The following CMC1 variants were observed in gnomAD, a reference collection of about 807,000 sequenced individuals.
The protein encoded by CMC1 is C-X9-C motif containing 1, also known as COX assembly mitochondrial protein homolog.
A neutral mutation model predicts 14.1 loss-of-function variants in CMC1; 14 were observed. The observed-to-expected ratio is 0.99, with a 90% CI of 0.66 to 1.55. The LOEUF is 1.55. Ranked by LOEUF, CMC1 falls within the 40% of genes most tolerant of loss-of-function variation. CMC1 has a pLI of 0.00. For synonymous variants in CMC1, 50 were observed against 38.4 expected (o/e 1.30, Z -1.12); for missense variants, 127 against 123.8 (o/e 1.03, Z -0.12).
At chr3:28,314,099 G>C (rs1702771487) in intron 2 of CMC1, among the ~76,000 whole-genome samples, 1 of 152,170 alleles carries the variant, frequency 6.6e-6, no homozygotes, top group African/African-American at 2.4e-5. Flanking sequence ...GAAGCCTTTA[G>C]CTAGCTTTAG....
At chr3:28,298,580 T>G (rs1701869129) in intron 2 of CMC1, among the ~76,000 whole-genome samples, 1 of 151,616 alleles carries the variant, frequency 6.6e-6, no homozygotes, top group Non-Finnish European at 1.5e-5. Flanking sequence ...TCTGCTCTCT[T>G]AAATTTATTT....
In CMC1 at chr3:28,308,932, A is replaced by G. The variant is rs923784236; in HGVS notation, c.110-7401A>G. On this transcript the variant is annotated intron_variant, in intron 2 of 3. Transcript: ENST00000466830. ...TGGGAGGCGGAGGTTGCAGTGAGCC[A>G]AGATCATGCCACTGCACTCCAGCCC... Among the ~76,000 whole-genome samples the G allele has an allele frequency of 7.9e-5, 12 of 151,902 alleles. No homozygotes were observed. The East Asian group carries it at 1.7e-3, about 22-fold the overall frequency.
chr3:28,280,375 A>G (rs925994749), intron 2 of CMC1, among the ~76,000 whole-genome samples: 1 of 152,160 alleles, frequency 6.6e-6, no homozygotes, highest in African/African-American at 2.4e-5. Context: ...GTATATATTA[A>G]TACTCATTTC....
At chr3:28,303,340 C>A (rs1279116080) in intron 2 of CMC1, among the ~76,000 whole-genome samples, 1 of 152,078 alleles carries the variant, frequency 6.6e-6, no homozygotes, top group Non-Finnish European at 1.5e-5. Flanking sequence ...TTAATGTATT[C>A]TTGAATTTTG....
chr3:28,274,377 G>A (rs1259956489), intron 2 of CMC1, among the ~76,000 whole-genome samples: 1 of 151,824 alleles, frequency 6.6e-6, no homozygotes, highest in African/African-American at 2.4e-5. Context: ...AGGAAGCTTA[G>A]TTTGGCCAGA....
chr3:28,296,256 G>A (rs1447736268), intron 2 of CMC1, among the ~76,000 whole-genome samples: 1 of 152,006 alleles, frequency 6.6e-6, no homozygotes. Flanking sequence ...TTGTAACCAT[G>A]TAATATTTTA....
chr3:28,303,134 G>A (rs77742982), intron 2 of CMC1, among the ~76,000 whole-genome samples: 1,852 of 152,218 alleles, frequency 0.012, 37 homozygotes, highest in African/African-American at 0.041. Flanking sequence ...GAGCTAACAC[G>A]CATAAAGTAC....
chr3:28,299,699 A>C (rs1474157447), intron 2 of CMC1, among the ~76,000 whole-genome samples: 2 of 152,166 alleles, frequency 1.3e-5, no homozygotes, highest in Non-Finnish European at 2.9e-5. Flanking sequence ...CCAAGTGATT[A>C]AACCTCTGCT....
intron 2 of CMC1, among the ~76,000 whole-genome samples, chr3:28,310,213 G>A (rs1297583747): frequency 6.6e-6 from 1 of 152,158 alleles, no homozygotes; most frequent in Non-Finnish European, 1.5e-5. Flanking sequence ...CACCCTCCCT[G>A]CCCAGAGCAG....
At chr3:28,274,204 G>GTGTTT (rs1700440272) in intron 2 of CMC1, among the ~76,000 whole-genome samples, 1 of 79,288 alleles carries the variant, frequency 1.3e-5, no homozygotes, top group Non-Finnish European at 2.6e-5. Context: ...TTGTACTAAA[G>GTGTTT]TGTTTTTGTT....
At position 28,258,651 on chromosome 3, in the gene CMC1, G is replaced by A. The variant is rs112320387; in HGVS notation, c.20-4640G>A. Among the ~76,000 whole-genome samples, 703 of 121,834 alleles carry A rather than the reference G, an allele frequency of 5.8e-3. 15 individuals are homozygous for A. Among genetic ancestry groups the A allele is most frequent in the African/African-American group, 0.021 (633 of 30,104 alleles). The allele number at this position is 121,834 out of a possible 152,430, so 79.9% of individuals were successfully genotyped here. The stretch of plus-strand genomic sequence containing the variant: ...TTTTTTTTTTTTGAGATGGAATCTC[G>A]CACTGTCACCCAGGCTGGAGTTCAG... On this transcript the variant is annotated intron_variant, in intron 1 of 3. Transcript: ENST00000466830.
At chr3:28,282,762 A>C (rs2125523358) in intron 2 of CMC1, among the ~76,000 whole-genome samples, 1 of 152,292 alleles carries the variant, frequency 6.6e-6, no homozygotes, top group East Asian at 1.9e-4. Context: ...ATCTGTTTAC[A>C]TTTAACTTTT....
At chr3:28,262,319 T>C (rs557975664) in intron 1 of CMC1, among the ~76,000 whole-genome samples, 6 of 152,128 alleles carry the variant, frequency 3.9e-5, no homozygotes, top group Non-Finnish European at 7.4e-5. Context: ...TTTGCCTCAG[T>C]ATATTTATTA....
At chr3:28,309,021 T>C (rs1702485318) in intron 2 of CMC1, among the ~76,000 whole-genome samples, 1 of 151,862 alleles carries the variant, frequency 6.6e-6, no homozygotes. Context: ...CCTGCAAAAC[T>C]AAAATTGGGT....
intron 1 of CMC1, among the ~76,000 whole-genome samples, chr3:28,259,998 C>T (rs1312459382): frequency 6.6e-6 from 1 of 152,020 alleles, no homozygotes; most frequent in Non-Finnish European, 1.5e-5. Context: ...CTCTTCTGTT[C>T]CACGTATACT....
Position 28,241,769 on chromosome 3 carries a change from G to A in CMC1, c.-25G>A. 8.1e-7 allele frequency: 1 copy of A among 1,241,780 alleles called. No homozygotes were observed. Among genetic ancestry groups the A allele is most frequent in the Non-Finnish European group, 1.0e-6 (1 of 988,142 alleles). The allele number at this position is 1,241,780 out of a possible 1,614,324, so 76.9% of individuals were successfully genotyped here. A position where few individuals can be genotyped will look rare whatever the true frequency, so the allele number is the denominator to read the frequency against. On this transcript the variant is annotated 5_prime_UTR_variant, in exon 1 of 4. Transcript: ENST00000466830. ...CTGCGTGCCCCGGAGCCGCCAAGCG[G>A]CTACGTTCTTCTCGGCCCGCCGAGA...
intron 2 of CMC1, chr3:28,292,066 C>CA (rs1243636707): frequency 6.6e-6 from 1 of 152,046 alleles, no homozygotes; most frequent in South Asian, 2.1e-4. Flanking sequence ...CTCTCAAAAA[C>CA]AAAGAGTGTT....
chr3:28,282,430 A>G (rs964774264), intron 2 of CMC1, among the ~76,000 whole-genome samples: 3 of 152,224 alleles, frequency 2.0e-5, no homozygotes, highest in Non-Finnish European at 4.4e-5. Flanking sequence ...TTGTTCTTAC[A>G]GGTGTCCTAC....
chr3:28,261,960 A>G (rs112058883), intron 1 of CMC1, among the ~76,000 whole-genome samples: 1 of 152,180 alleles, frequency 6.6e-6, no homozygotes, highest in Non-Finnish European at 1.5e-5. Context: ...TCAAGGATCA[A>G]CTGTAATAAG....
Sources: gnomAD v4.1 joint callset for allele counts (sites outside exome capture counted in the v4.1 genomes callset) on GRCh38, gnomAD v4.1.1 for gene constraint, MANE v1.5 for transcripts, NCBI Gene and HGNC (gene_info 2026-07-23, HGNC 2026-07-21) for gene names.